The following CEACAM21 variants were observed in gnomAD, a reference collection of about 807,000 sequenced individuals.
CEACAM21 encodes the protein CEA cell adhesion molecule 21, also known as cell adhesion molecule CEACAM21.
CEACAM21 carries 38 observed loss-of-function variants against 33.2 expected under a neutral mutation model. The observed-to-expected ratio is 1.14, with a 90% CI of 0.88 to 1.50. CEACAM21 has a LOEUF of 1.50. Ranked by LOEUF, CEACAM21 falls within the 40% of genes most tolerant of loss-of-function variation. The pLI, the probability that CEACAM21 is intolerant of heterozygous loss-of-function variation, is 0.00. For missense variants in CEACAM21, 385 were observed against 364.6 expected, an observed-to-expected ratio of 1.06 and a Z score of -0.46; for synonymous variants, 156 against 143.0, an observed-to-expected ratio of 1.09 and a Z score of -0.65.
In CEACAM21 at chr19:41,586,447, C is replaced by T. The variant is rs782478079; in HGVS notation, c.*1-17C>T. On this transcript the variant is annotated splice_polypyrimidine_tract_variant and intron_variant, in intron 6 of 6. Coordinates refer to ENST00000401445, the MANE Select transcript of CEACAM21 (RefSeq NM_001098506.4). ...GAGAAGGCCTCAGGGGTCAAGACCTCTTCTCTGTTTTTACAGGAATTGCTA... is the reference window on the plus strand; with the variant it reads ...GAGAAGGCCTCAGGGGTCAAGACCTTTTCTCTGTTTTTACAGGAATTGCTA... 7.8e-6 allele frequency: 5 copies of T among 639,456 alleles called. No individual in the cohort carries two copies. The highest frequency in any genetic ancestry group is 1.5e-5 in the Non-Finnish European group (5 of 334,800). The allele number at this position is 639,456 out of a possible 1,614,324, so 39.6% of individuals were successfully genotyped here.
At chr19:41,582,453 G>A (rs1405893566) in intron 3 of CEACAM21, among the ~76,000 whole-genome samples, 1 of 152,190 alleles carries the variant, frequency 6.6e-6, no homozygotes. Flanking sequence ...TCTGTGTCGG[G>A]GTTCCAACCC....
chr19:41,579,297 T>C, intron 2 of CEACAM21, 56 bp from the exon 3 acceptor site: 1 of 1,613,550 alleles, frequency 6.2e-7, no homozygotes, highest in Non-Finnish European at 8.5e-7. Context: ...GACTCTGAGA[T>C]CTCTGAGGAT....
intron 4 of CEACAM21, 136 bp downstream of exon 4, chr19:41,584,579 A>G: frequency 2.6e-6 from 2 of 758,994 alleles, no homozygotes; most frequent in East Asian, 2.7e-5. Context: ...CTCTCATTCC[A>G]TGGCACCTTC....
chr19:41,550,954 T>C (rs1424692511), intron 1 of CEACAM21, among the ~76,000 whole-genome samples: 1 of 152,224 alleles, frequency 6.6e-6, no homozygotes, highest in African/African-American at 2.4e-5. Context: ...TTTTGGATTG[T>C]TGAACTTCCA....
chr19:41,585,352 T>G, intron 4 of CEACAM21, 91 bp from the exon 5 acceptor site: 1 of 1,384,560 alleles, frequency 7.2e-7, no homozygotes, highest in African/African-American at 1.4e-5. Context: ...ATACCCCTCT[T>G]GGAAATAGGC....
intron 1 of CEACAM21, among the ~76,000 whole-genome samples, chr19:41,556,818 G>T (rs1300243288): frequency 6.6e-6 from 1 of 151,980 alleles, no homozygotes; most frequent in Non-Finnish European, 1.5e-5. Flanking sequence ...TTTGGCAGGG[G>T]GTCAGATTTT....
chr19:41,552,575 C>T (rs1306720387), intron 1 of CEACAM21, among the ~76,000 whole-genome samples: 1 of 152,142 alleles, frequency 6.6e-6, no homozygotes, highest in Non-Finnish European at 1.5e-5. Context: ...GAAATCTGGC[C>T]TGCCACAATC....
In CEACAM21 at chr19:41,576,262, G is replaced by A. The variant is rs1555790969; in HGVS notation, c.-13G>A. The A allele has an allele frequency of 6.2e-7, 1 of 1,613,970 alleles. No homozygotes were observed. The highest frequency in any genetic ancestry group is 1.1e-5 in the South Asian group (1 of 91,082). On this transcript the variant is annotated 5_prime_UTR_variant, in exon 1 of 7. Coordinates refer to ENST00000401445, the MANE Select transcript of CEACAM21 (RefSeq NM_001098506.4). ...CCTCTCCACAGAGGAGGACAGAGCAGGCAGCAGAGACCATGGGGCCCCCCT... is the reference window on the plus strand; with the variant it reads ...CCTCTCCACAGAGGAGGACAGAGCAAGCAGCAGAGACCATGGGGCCCCCCT...
chr19:41,578,268 G>A (rs1018559069), intron 2 of CEACAM21, among the ~76,000 whole-genome samples: 4 of 151,342 alleles, frequency 2.6e-5, no homozygotes, highest in Admixed American at 6.6e-5. Flanking sequence ...ACTCTGGACC[G>A]CTCCTTCTCC....
At chr19:41,576,416 C>T in intron 1 of CEACAM21, 78 bp downstream of exon 1, 1 of 1,459,906 alleles carries the variant, frequency 6.8e-7, no homozygotes, top group Non-Finnish European at 9.2e-7. Flanking sequence ...GAGGATGGGG[C>T]TCTGAGAGGA....
intron 1 of CEACAM21, among the ~76,000 whole-genome samples, chr19:41,559,127 C>G (rs2041716893): frequency 6.6e-6 from 1 of 152,178 alleles, no homozygotes; most frequent in Non-Finnish European, 1.5e-5. Flanking sequence ...ATGTATTTTA[C>G]TGGAAGTTTT....
chr19:41,581,896 A>G (rs565706459), intron 3 of CEACAM21, among the ~76,000 whole-genome samples: 2 of 152,186 alleles, frequency 1.3e-5, no homozygotes, highest in South Asian at 4.1e-4. Context: ...CCCAAATCTC[A>G]TGTCCTCACA....
intron 2 of CEACAM21, chr19:41,565,531 C>T (rs531070475): frequency 7.4e-6 from 1 of 134,552 alleles, no homozygotes; most frequent in Admixed American, 6.9e-5. Context: ...CATCTCCAGT[C>T]TTCCCCCCCG....
chr19:41,569,270 G>A (rs1314353431), intron 2 of CEACAM21, among the ~76,000 whole-genome samples: 2 of 151,396 alleles, frequency 1.3e-5, no homozygotes, highest in East Asian at 3.9e-4. Flanking sequence ...GAAGTATACA[G>A]TGGCACAATC....
At chr19:41,567,730 T>C (rs2042354823) in intron 2 of CEACAM21, among the ~76,000 whole-genome samples, 1 of 152,148 alleles carries the variant, frequency 6.6e-6, no homozygotes, top group Non-Finnish European at 1.5e-5. Context: ...GCTCATATCA[T>C]TGTAAAGTCA....
chr19:41,575,678 G>C (rs1177820977), upstream of CEACAM21, among the ~76,000 whole-genome samples: 1 of 152,150 alleles, frequency 6.6e-6, no homozygotes, highest in Non-Finnish European at 1.5e-5. Context: ...AGGAGCTGGG[G>C]ATCCTCCCGA....
chr19:41,586,233 C>T (rs993608203), intron 6 of CEACAM21: 4 of 528,366 alleles, frequency 7.6e-6, no homozygotes, highest in East Asian at 3.7e-5. Context: ...CCCTTGGGCC[C>T]CAGGGAGACC....
At chr19:41,558,138 T>C (rs899427931) in intron 1 of CEACAM21, among the ~76,000 whole-genome samples, 2 of 152,184 alleles carry the variant, frequency 1.3e-5, no homozygotes, top group Non-Finnish European at 2.9e-5. Flanking sequence ...TTACAACTAT[T>C]ATATGCTCAA....
In CEACAM21 at chr19:41,551,143, T is replaced by A. The variant is rs572994430; in HGVS notation, c.-779+1591T>A. The stretch of plus-strand genomic sequence containing the variant: ...AATGCAATGTTGCCTCATGATTTTT[T>A]TTTTCTTTTCCTTTTCCTTTTTTTT... On this transcript the variant is annotated intron_variant, in intron 1 of 7. Transcript: ENST00000407170. 14 of 151,156 alleles carry A rather than the reference T, an allele frequency of 9.3e-5. No homozygotes were observed. The South Asian group carries it at 2.9e-3, about 32-fold the overall frequency. 9.4% of individuals were successfully genotyped at this position (151,156 alleles called of 1,614,324 possible). A position where few individuals can be genotyped will look rare whatever the true frequency, so the allele number is the denominator to read the frequency against.
Sources: gnomAD v4.1 joint callset for allele counts (sites outside exome capture counted in the v4.1 genomes callset) on GRCh38, gnomAD v4.1.1 for gene constraint, MANE v1.5 for transcripts, NCBI Gene and HGNC (gene_info 2026-07-23, HGNC 2026-07-21) for gene names.